Variants in CAMK2B observed in about 807,000 individuals in gnomAD.
CAMK2B encodes the protein calcium/calmodulin-dependent protein kinase type II subunit beta.
In CAMK2B, 27 loss-of-function variants were observed where a neutral mutation model predicts 93.7. The ratio of observed to expected loss-of-function variants is 0.29; its 90% CI spans 0.21 to 0.40. CAMK2B has a LOEUF of 0.40. Among genes scored for constraint, CAMK2B ranks in the 10% least tolerant of loss-of-function variants. The pLI is 1.00. For synonymous variants in CAMK2B, 374 were observed against 358.8 expected, an observed-to-expected ratio of 1.04 and a Z score of -0.48; for missense variants, 568 against 895.8, an observed-to-expected ratio of 0.63 and a Z score of 4.67.
rs768562469 is a variant in CAMK2B at position 44,226,581 on chromosome 7, C to T, written c.1532G>A (p.Gly511Asp). 3 of 1,491,422 alleles carry T rather than the reference C, an allele frequency of 2.0e-6. No individual in the cohort carries two copies. Among genetic ancestry groups the T allele is most frequent in the South Asian group, 2.8e-5 (2 of 70,508 alleles). 92.4% of individuals were successfully genotyped at this position (1,491,422 alleles called of 1,614,324 possible). ...RRGSGTPEAE[G>D]PSPVGPPPCP... ...GGGCGGGGGCCCCACTGGCGAGGGG[C>T]CCTCGGCTTCTGGGGTCCCTGAGCC... Residue 511 changes from glycine (G) to aspartate (D), a missense_variant, in exon 20 of 24, where the codon GGC (glycine) becomes GAC (aspartate). Around this residue, in one of 4 missense-constraint regions of CAMK2B, gnomAD observed 308 missense variants for 292.1 expected, o/e 1.05. Coordinates refer to ENST00000395749, the MANE Select transcript of CAMK2B (RefSeq NM_001220.5).
At chr7:44,287,336 A>G (rs1223533886) in intron 1 of CAMK2B, among the ~76,000 whole-genome samples, 1 of 151,958 alleles carries the variant, frequency 6.6e-6, no homozygotes, top group Non-Finnish European at 1.5e-5. Context: ...TGCCCGCTTT[A>G]CCCACCACTT....
At position 44,220,121 on chromosome 7, in the gene CAMK2B, C is replaced by T. The variant is rs368245002; in HGVS notation, c.1942G>A (p.Gly648Ser). The change falls in exon 23 of 24, where the codon GGC becomes AGC. Residue 648 changes from glycine (G) to serine (S), a missense_variant. By Grantham distance (56) the Gly-to-Ser change is moderately conservative. Around this residue, in one of 4 missense-constraint regions of CAMK2B, gnomAD observed 116 missense variants for 188.0 expected, o/e 0.62. Transcript: ENST00000395749. ...TGGAAGTGCACGTTCTGCCACTTGCCGTCGCGGCGGTGCCACACGCGGGTC... is the reference window on the plus strand; with the variant it reads ...TGGAAGTGCACGTTCTGCCACTTGCTGTCGCGGCGGTGCCACACGCGGGTC... The part of the protein sequence containing the change: ...EETRVWHRRD[G>S]KWQNVHFHCS... 17 of 1,611,304 alleles carry T rather than the reference C, an allele frequency of 1.1e-5. No homozygotes were observed. Among genetic ancestry groups the T allele is most frequent in the South Asian group, 8.8e-5 (8 of 90,966 alleles).
At position 44,220,309 on chromosome 7, in the gene CAMK2B, C is replaced by T. The variant is rs367641683; in HGVS notation, c.1769-15G>A. On this transcript the variant is annotated splice_polypyrimidine_tract_variant and intron_variant, in intron 22 of 23. Transcript: ENST00000395749. ...CTTGGCCAGCACTGTGGACAGCAGG[C>T]GGGGCGGGGGTCTCGGGTTACCATG... 1.6e-4 allele frequency: 249 copies of T among 1,600,958 alleles called. No individual in the cohort carries two copies. Among genetic ancestry groups the T allele is most frequent in the Non-Finnish European group, 2.0e-4 (233 of 1,170,096 alleles).
intron 2 of CAMK2B, among the ~76,000 whole-genome samples, chr7:44,274,051 C>T (rs1363214644): frequency 2.6e-5 from 4 of 152,160 alleles, no homozygotes; most frequent in Middle Eastern, 3.2e-3. Context: ...CTACCACCTC[C>T]GGATGAGAGC....
At chr7:44,325,225 C>G (rs1797221443) in intron 1 of CAMK2B, 132 bp downstream of exon 1, 4 of 357,516 alleles carry the variant, frequency 1.1e-5, no homozygotes, top group Non-Finnish European at 1.6e-5. Context: ...GGGCCGTGCG[C>G]TTGGGCCCGG....
chr7:44,290,414 A>C (rs1048045644), intron 1 of CAMK2B, among the ~76,000 whole-genome samples: 2 of 152,120 alleles, frequency 1.3e-5, no homozygotes, highest in African/African-American at 2.4e-5. Context: ...CCACAGAAGC[A>C]CTCTCAGGCC....
intron 1 of CAMK2B, among the ~76,000 whole-genome samples, chr7:44,287,338 C>G (rs879469562): frequency 1.6e-4 from 25 of 152,294 alleles, no homozygotes; most frequent in Non-Finnish European, 3.1e-4. Flanking sequence ...CCCGCTTTAC[C>G]CACCACTTCC....
intron 23 of CAMK2B, 90 bp downstream of exon 23, chr7:44,219,970 C>T: frequency 9.0e-7 from 1 of 1,110,068 alleles, no homozygotes; most frequent in Admixed American, 2.1e-5. Context: ...CTGCACAGGC[C>T]CCACCGCTCC....
Position 44,300,062 on chromosome 7 carries a change from G to A in CAMK2B, c.66-15837C>T, listed in dbSNP as rs185548089. On this transcript the variant is annotated intron_variant, in intron 1 of 23. Transcript: ENST00000395749. ...TGTGTGTGTGTGTGTGTGTGTGTATGTAGTTGTTCAGACAGGGACTCACTC... is the reference window on the plus strand; with the variant it reads ...TGTGTGTGTGTGTGTGTGTGTGTATATAGTTGTTCAGACAGGGACTCACTC... Among the ~76,000 whole-genome samples, 62 of 146,902 alleles carry A rather than the reference G, an allele frequency of 4.2e-4. 1 individual carries two copies. The highest frequency in any genetic ancestry group is 1.5e-3 in the African/African-American group (58 of 39,618).
At chr7:44,265,949 C>G (rs965054975) in intron 2 of CAMK2B, among the ~76,000 whole-genome samples, 1 of 152,150 alleles carries the variant, frequency 6.6e-6, no homozygotes, top group African/African-American at 2.4e-5. Context: ...GAGTGCTTCA[C>G]TCTCGGTGGC....
At chr7:44,321,450 CTG>C (rs1796065802) in intron 1 of CAMK2B, among the ~76,000 whole-genome samples, 1 of 152,298 alleles carries the variant, frequency 6.6e-6, no homozygotes, top group South Asian at 2.1e-4. Context: ...ATGCCCTAGA[CTG>C]GAGCTCAGGG....
At chr7:44,226,695 C>G in intron 19 of CAMK2B, 51 bp from the exon 20 acceptor site, 1 of 1,464,768 alleles carries the variant, frequency 6.8e-7, no homozygotes, top group Non-Finnish European at 8.9e-7. Flanking sequence ...GGGGGGCACG[C>G]AGGAGAGAAA....
intron 20 of CAMK2B, among the ~76,000 whole-genome samples, chr7:44,222,506 G>A (rs1374163483): frequency 2.0e-5 from 3 of 151,886 alleles, no homozygotes; most frequent in Non-Finnish European, 4.4e-5. Context: ...CATGATCTCG[G>A]CTCACTGCAG....
intron 2 of CAMK2B, chr7:44,263,839 G>T (rs1414782380): frequency 6.5e-6 from 1 of 154,324 alleles, no homozygotes; most frequent in East Asian, 1.9e-4. Flanking sequence ...GTCACACAGG[G>T]TCCCATACTG....
intron 20 of CAMK2B, among the ~76,000 whole-genome samples, chr7:44,222,401 A>G (rs2096419305): frequency 6.6e-6 from 1 of 151,614 alleles, no homozygotes; most frequent in Non-Finnish European, 1.5e-5. Context: ...GGCCACATAC[A>G]TGCAACCTGT....
intron 8 of CAMK2B, 104 bp from the exon 9 acceptor site, chr7:44,242,758 G>T: frequency 1.3e-6 from 1 of 788,984 alleles, no homozygotes; most frequent in Non-Finnish European, 2.1e-6. Flanking sequence ...CCCTGGGAGG[G>T]CATTGGGGTC....
chr7:44,239,551 G>T, intron 13 of CAMK2B, 38 bp downstream of exon 13: 2 of 1,506,776 alleles, frequency 1.3e-6, no homozygotes, highest in Non-Finnish European at 1.8e-6. Flanking sequence ...AGGAGGGACG[G>T]GCGGGAGCGG....
chr7:44,317,758 G>A lies in CAMK2B; in HGVS notation c.65+7599C>T, dbSNP rs142095437. On this transcript the variant is annotated intron_variant, in intron 1 of 23. Transcript: ENST00000395749. ...TCTCGACAACTTGGATGGGGTGGGC[G>A]GTGGGGTAGTAATGTCATTGTGAAT... Among the ~76,000 whole-genome samples the A allele has an allele frequency of 2.2e-3, 341 of 152,182 alleles. 1 individual carries two copies. Among genetic ancestry groups the A allele is most frequent in the African/African-American group, 7.7e-3 (320 of 41,488 alleles).
intron 18 of CAMK2B, 165 bp downstream of exon 18, chr7:44,229,223 T>C: frequency 1.6e-6 from 1 of 612,684 alleles, no homozygotes; most frequent in Non-Finnish European, 2.9e-6. Flanking sequence ...GAGGTGGGGC[T>C]CGATGGGCTG....
Sources: allele counts gnomAD v4.1 joint callset (sites outside exome capture counted in the v4.1 genomes callset), GRCh38; gene constraint gnomAD v4.1.1; regional missense constraint gnomAD v4.1.1; transcripts MANE v1.5; gene names NCBI Gene and HGNC (gene_info 2026-07-23, HGNC 2026-07-21).